The following METTL4 variants were observed in gnomAD, a reference collection of about 807,000 sequenced individuals.
METTL4 encodes the protein N(6)-adenine-specific methyltransferase METTL4.
In METTL4, 40 loss-of-function variants were observed where a neutral mutation model predicts 54.0. That is an observed-to-expected ratio of 0.74 (90% CI 0.58 to 0.96). The LOEUF (loss-of-function observed/expected upper bound fraction) is 0.96. Ranked by LOEUF, METTL4 falls within the 50% of genes least tolerant of loss-of-function variation. METTL4 has a pLI of 0.00. For synonymous variants in METTL4, 169 were observed against 183.8 expected, an observed-to-expected ratio of 0.92 and a Z score of 0.65; for missense variants, 525 against 549.0, an observed-to-expected ratio of 0.96 and a Z score of 0.44.
chr18:2,561,922 T>C (rs2072325922), intron 3 of METTL4: 1 of 152,146 alleles, frequency 6.6e-6, no homozygotes, highest in Admixed American at 6.5e-5. Flanking sequence ...TTCCAGAAAA[T>C]AAGTGTATTT....
At chr18:2,554,586 T>C in intron 4 of METTL4, 83 bp downstream of exon 4, 1 of 1,253,574 alleles carries the variant, frequency 8.0e-7, no homozygotes, top group Non-Finnish European at 1.1e-6. Context: ...TGCTGACCCA[T>C]CTTCAAATTT....
chr18:2,565,721 A>G (rs766922003), intron 2 of METTL4, among the ~76,000 whole-genome samples: 2 of 152,290 alleles, frequency 1.3e-5, no homozygotes, highest in Admixed American at 1.3e-4. Context: ...AATGGCACAT[A>G]GAAAGAGCTC....
intron 2 of METTL4, among the ~76,000 whole-genome samples, chr18:2,566,539 T>C (rs983949305): frequency 1.3e-5 from 2 of 152,142 alleles, no homozygotes; most frequent in African/African-American, 2.4e-5. Context: ...GTTTGGCTTT[T>C]TGTTTGTTTT....
At chr18:2,540,231 T>C (rs2071974664) in intron 8 of METTL4, 1 of 984,886 alleles carries the variant, frequency 1.0e-6, no homozygotes, top group South Asian at 4.7e-5. Flanking sequence ...AATACTTAAA[T>C]CAATTTAATC....
chr18:2,561,164 T>C (rs2143568603), intron 3 of METTL4: 1 of 152,308 alleles, frequency 6.6e-6, no homozygotes, highest in Non-Finnish European at 1.5e-5. Flanking sequence ...AAAGTAAATA[T>C]GCTCACATAT....
At position 2,571,274 on chromosome 18, in the gene METTL4, TAA is replaced by T. The variant is rs2072502092; in HGVS notation, c.-566_-565del. 1 of 152,288 alleles carries T rather than the reference TAA, an allele frequency of 6.6e-6. No individual in the cohort carries two copies. The highest frequency in any genetic ancestry group is 2.4e-5 in the African/African-American group (1 of 41,468). The allele number at this position is 152,288 out of a possible 1,614,324, so 9.4% of individuals were successfully genotyped here. On this transcript the variant is annotated 5_prime_UTR_variant, in exon 1 of 9. It removes the in-frame stop codon of an upstream open reading frame in the 5' UTR. Transcript: ENST00000574538. Reference sequence around the variant, plus strand: ...ACAGAGAAAAAGCTTTCTCCTTTTCTAAGAGTCCATGGGCGCCGCCATGTTGC... The same window carrying T: ...ACAGAGAAAAAGCTTTCTCCTTTTCTGAGTCCATGGGCGCCGCCATGTTGC...
chr18:2,547,943 C>A (rs1161427868), intron 5 of METTL4, among the ~76,000 whole-genome samples: 10 of 152,164 alleles, frequency 6.6e-5, no homozygotes, highest in Admixed American at 6.5e-4. Flanking sequence ...CCTTACCTGG[C>A]ACCAAATCAG....
At chr18:2,540,210 A>T in intron 8 of METTL4, 6 of 985,338 alleles carry the variant, frequency 6.1e-6, no homozygotes, top group Non-Finnish European at 6.0e-6. Flanking sequence ...TGTTCACTCA[A>T]TTGGATGACA....
chr18:2,538,858 C>T lies in METTL4; in HGVS notation c.*142G>A, dbSNP rs1250233664. 2.0e-5 allele frequency: 16 copies of T among 781,314 alleles called. No individual in the cohort carries two copies. Among genetic ancestry groups the T allele is most frequent in the Non-Finnish European group, 1.8e-5 (9 of 494,532 alleles). The allele number at this position is 781,314 out of a possible 1,614,324, so 48.4% of individuals were successfully genotyped here. ...CTTAAAATTACATGAAGGCTAGTCA[C>T]TTCTGGTCCCTTACTGAAAAAAACA... On this transcript the variant is annotated 3_prime_UTR_variant, in exon 9 of 9. Coordinates refer to ENST00000574538, the MANE Select transcript of METTL4 (RefSeq NM_022840.5).
At chr18:2,565,517 T>C (rs1333550961) in intron 2 of METTL4, among the ~76,000 whole-genome samples, 1 of 151,910 alleles carries the variant, frequency 6.6e-6, no homozygotes, top group Non-Finnish European at 1.5e-5. Flanking sequence ...AAAATTAAAA[T>C]TAAAAAAAAG....
At chr18:2,543,571 G>C (rs1315750575) in intron 8 of METTL4, among the ~76,000 whole-genome samples, 1 of 152,066 alleles carries the variant, frequency 6.6e-6, no homozygotes, top group Non-Finnish European at 1.5e-5. Context: ...AAAAATATTT[G>C]AGTGACTTGC....
intron 1 of METTL4, among the ~76,000 whole-genome samples, chr18:2,569,800 T>A (rs1050230728): frequency 6.6e-6 from 1 of 152,192 alleles, no homozygotes; most frequent in Non-Finnish European, 1.5e-5. Flanking sequence ...AAGTCTCTTT[T>A]TGCACTGTCA....
In METTL4 at chr18:2,547,494, A is replaced by G; in HGVS notation, c.935T>C (p.Ile312Thr). ...SYLSPLQIQQIPIPKLAAPNC... is the reference protein window; with the variant it reads ...SYLSPLQIQQTPIPKLAAPNC... ...TGGAGCAGCCAATTTAGGGATAGGT[A>G]TTTGCTGTATTTGCAGGGGTGACAA... Residue 312 changes from isoleucine to threonine, a missense_variant, in exon 6 of 9, where the codon ATA (isoleucine) becomes ACA (threonine). Physicochemically the swap from Ile to Thr is moderately conservative, Grantham distance 89. Coordinates refer to ENST00000574538, the MANE Select transcript of METTL4 (RefSeq NM_022840.5). 6.2e-7 allele frequency: 1 copy of G among 1,602,564 alleles called. No individual in the cohort carries two copies. The highest frequency in any genetic ancestry group is 8.5e-7 in the Non-Finnish European group (1 of 1,175,446).
Position 2,559,247 on chromosome 18 carries a change from T to G in METTL4, c.460-4209A>C, listed in dbSNP as rs949865674. Among the ~76,000 whole-genome samples the G allele has an allele frequency of 4.6e-5, 7 of 152,314 alleles. 1 individual carries two copies. Among genetic ancestry groups the G allele is most frequent in the African/African-American group, 1.7e-4 (7 of 41,570 alleles). On this transcript the variant is annotated intron_variant, in intron 3 of 8. Transcript: ENST00000574538. ...CATAAACAAATGGATAAACAAAATG[T>G]AATATTTACATAAAATGGAATATTT...
In METTL4 at chr18:2,566,914, A is replaced by G; in HGVS notation, c.303T>C (p.Thr101=). 1 of 1,613,800 alleles carries G rather than the reference A, an allele frequency of 6.2e-7. No homozygotes were observed. The highest frequency in any genetic ancestry group is 8.5e-7 in the Non-Finnish European group (1 of 1,179,852). ...ELFDVTKPYI[T]PAVHKECQQS... is the part of the protein sequence containing the mutation. Reference sequence around the variant, plus strand: ...GCTGGCATTCTTTATGAACAGCTGGAGTTATATAAGGTTTGGTGACATCAA... The same window carrying G: ...GCTGGCATTCTTTATGAACAGCTGGGGTTATATAAGGTTTGGTGACATCAA... Residue 101 remains threonine, a synonymous_variant, in exon 2 of 9, where the codon ACT becomes ACC. Transcript: ENST00000574538.
intron 1 of METTL4, among the ~76,000 whole-genome samples, chr18:2,569,409 A>T (rs1385261383): frequency 1.3e-5 from 2 of 152,188 alleles, no homozygotes; most frequent in African/African-American, 4.8e-5. Context: ...ATCTAATTCA[A>T]CTGTGGAAAG....
At chr18:2,557,262 A>T (rs1182929341) in intron 3 of METTL4, among the ~76,000 whole-genome samples, 1 of 152,150 alleles carries the variant, frequency 6.6e-6, no homozygotes, top group Non-Finnish European at 1.5e-5. Flanking sequence ...GATCAGTACA[A>T]GTGTGTGAAG....
chr18:2,551,837 TG>T lies in METTL4; in HGVS notation c.899+857del, dbSNP rs537519998. ...CATATGAAGTTTAAGTCAAGGAAAT[TG>T]GAATTTTTTCATCTAGAAAACTGAA... On this transcript the variant is annotated intron_variant, in intron 5 of 8. Coordinates refer to ENST00000574538, the MANE Select transcript of METTL4 (RefSeq NM_022840.5). Among the ~76,000 whole-genome samples the T allele has an allele frequency of 1.8e-3, 278 of 152,198 alleles. 4 individuals carry two copies. Among genetic ancestry groups the T allele is most frequent in the South Asian group, 2.7e-3 (13 of 4,812 alleles).
chr18:2,553,645 A>G (rs1242926320), intron 4 of METTL4: 1 of 152,208 alleles, frequency 6.6e-6, no homozygotes, highest in Non-Finnish European at 1.5e-5. Flanking sequence ...TAGATCCATC[A>G]TTCCATTCAT....
Sources: allele counts gnomAD v4.1 joint callset (sites outside exome capture counted in the v4.1 genomes callset), GRCh38; gene constraint gnomAD v4.1.1; transcripts MANE v1.5; gene names NCBI Gene and HGNC (gene_info 2026-07-23, HGNC 2026-07-21).